IER3IP1: variants seen among roughly 807,000 people sequenced by gnomAD.
IER3IP1 encodes immediate early response 3 interacting protein 1.
In IER3IP1, 16 loss-of-function variants were observed where a neutral mutation model predicts 12.2. The observed-to-expected ratio is 1.31, with a 90% CI of 0.89 to 1.99. The LOEUF is 1.99. IER3IP1 is among the 30% of genes most tolerant of loss of function. The pLI is 0.00. For missense variants in IER3IP1, 95 were observed against 95.8 expected (o/e 0.99, Z 0.03); for synonymous variants, 42 against 40.0 (o/e 1.05, Z -0.19).
rs141660052 is a variant in IER3IP1 at position 47,160,284 on chromosome 18, G to A, written c.92-2747C>T. Among the ~76,000 whole-genome samples the A allele has an allele frequency of 5.8e-3, 886 of 152,046 alleles. 4 individuals are homozygous for A. Among genetic ancestry groups the A allele is most frequent in the Non-Finnish European group, 9.2e-3 (628 of 67,994 alleles). On this transcript the variant is annotated intron_variant, in intron 1 of 2. Coordinates refer to ENST00000256433, the MANE Select transcript of IER3IP1 (RefSeq NM_016097.5). ...TACATTCCACATCCACTTATATAGA[G>A]ACCACAAATTTGGTGGAAACAACAC...
intron 1 of IER3IP1, among the ~76,000 whole-genome samples, chr18:47,175,772 A>G (rs2064030875): frequency 6.6e-6 from 1 of 150,698 alleles, no homozygotes; most frequent in African/African-American, 2.4e-5. Context: ...CACACCCCCA[A>G]CTCTTAGCCC....
intron 1 of IER3IP1, among the ~76,000 whole-genome samples, chr18:47,166,543 G>A (rs1217766316): frequency 6.6e-6 from 1 of 152,180 alleles, no homozygotes; most frequent in Non-Finnish European, 1.5e-5. Flanking sequence ...TAAAAGAGGA[G>A]GGGGAGGAGG....
rs564142124 is a variant in IER3IP1, at chr18:47,155,271, G to T, written c.*906C>A. On this transcript the variant is annotated 3_prime_UTR_variant, in exon 3 of 3. Coordinates refer to ENST00000256433, the MANE Select transcript of IER3IP1 (RefSeq NM_016097.5). Reference sequence around the variant, plus strand: ...TCAATGTCCTATTGACAAACTCAATGAAGAATTAAGAATCACACTCCACAA... The same window carrying T: ...TCAATGTCCTATTGACAAACTCAATTAAGAATTAAGAATCACACTCCACAA... The T allele has an allele frequency of 2.6e-5, 4 of 152,256 alleles. No individual in the cohort carries two copies. Among genetic ancestry groups the T allele is most frequent in the Non-Finnish European group, 4.4e-5 (3 of 68,010 alleles). The allele number at this position is 152,256 out of a possible 1,614,324, so 9.4% of individuals were successfully genotyped here.
At chr18:47,159,281 A>G (rs1449609016) in intron 1 of IER3IP1, among the ~76,000 whole-genome samples, 2 of 152,276 alleles carry the variant, frequency 1.3e-5, no homozygotes, top group Non-Finnish European at 2.9e-5. Context: ...CAAAAACTAC[A>G]GTAGGTCACC....
chr18:47,176,346 A>C lies in IER3IP1; in HGVS notation c.-69T>G. ...CCGCCGCAAGGGACGTGGCGCCTCCACGGCCGGCGCCTTCCTACGGAAGCC... is the reference window on the plus strand; with the variant it reads ...CCGCCGCAAGGGACGTGGCGCCTCCCCGGCCGGCGCCTTCCTACGGAAGCC... On this transcript the variant is annotated 5_prime_UTR_variant, in exon 1 of 3. Coordinates refer to ENST00000256433, the MANE Select transcript of IER3IP1 (RefSeq NM_016097.5). 7.2e-6 allele frequency: 10 copies of C among 1,392,000 alleles called. No individual in the cohort carries two copies. The South Asian group carries it at 9.9e-5, about 14-fold the overall frequency. 86.2% of individuals were successfully genotyped at this position (1,392,000 alleles called of 1,614,324 possible).
chr18:47,158,324 T>G (rs1313052813), intron 1 of IER3IP1, among the ~76,000 whole-genome samples: 2 of 152,012 alleles, frequency 1.3e-5, no homozygotes, highest in Non-Finnish European at 2.9e-5. Flanking sequence ...GCCTAAGTAT[T>G]TCTTTCTTTT....
chr18:47,162,046 G>C (rs2063981478), intron 1 of IER3IP1, among the ~76,000 whole-genome samples: 1 of 152,096 alleles, frequency 6.6e-6, no homozygotes, highest in African/African-American at 2.4e-5. Context: ...GGGCCATGGG[G>C]AGTGGCTGTA....
chr18:47,164,506 C>A (rs1339089396), intron 1 of IER3IP1, among the ~76,000 whole-genome samples: 2 of 140,052 alleles, frequency 1.4e-5, no homozygotes, highest in Admixed American at 7.1e-5. Context: ...TTTTTTTTTT[C>A]TTTTTAAGAG....
At chr18:47,176,066 A>G (rs941646907) in intron 1 of IER3IP1, 121 bp downstream of exon 1, 5 of 845,858 alleles carry the variant, frequency 5.9e-6, no homozygotes, top group Non-Finnish European at 9.6e-6. Context: ...TTCCACTCCA[A>G]GCCGAGCCTT....
chr18:47,169,747 T>C, intron 1 of IER3IP1, among the ~76,000 whole-genome samples: 1 of 152,256 alleles, frequency 6.6e-6, no homozygotes, highest in South Asian at 2.1e-4. Context: ...TTTGCTTATG[T>C]TCTTTGGAAA....
chr18:47,166,735 G>A (rs978393372), intron 1 of IER3IP1, among the ~76,000 whole-genome samples: 15 of 152,150 alleles, frequency 9.9e-5, no homozygotes, highest in African/African-American at 1.4e-4. Context: ...ATCTATGCTT[G>A]CTTATCTAAA....
At chr18:47,162,214 G>A (rs2063982174) in intron 1 of IER3IP1, among the ~76,000 whole-genome samples, 2 of 152,122 alleles carry the variant, frequency 1.3e-5, no homozygotes, top group African/African-American at 4.8e-5. Flanking sequence ...TCGGAAGAAA[G>A]ACTTCCTCCC....
intron 1 of IER3IP1, among the ~76,000 whole-genome samples, chr18:47,159,983 G>A (rs568302812): frequency 1.3e-5 from 2 of 152,104 alleles, no homozygotes; most frequent in South Asian, 4.1e-4. Context: ...ATCACCTGAG[G>A]TCGGGAGTTC....
intron 1 of IER3IP1, among the ~76,000 whole-genome samples, chr18:47,158,197 A>G (rs1015443969): frequency 3.3e-5 from 5 of 152,222 alleles, no homozygotes; most frequent in African/African-American, 9.6e-5. Context: ...TTCTTTTTCA[A>G]AAATTACCAT....
chr18:47,175,551 C>T (rs2064029730), intron 1 of IER3IP1, among the ~76,000 whole-genome samples: 1 of 152,198 alleles, frequency 6.6e-6, no homozygotes, highest in African/African-American at 2.4e-5. Context: ...GCAACCTCTG[C>T]CTCCCAGGTT....
At position 47,153,622 on chromosome 18, in the gene IER3IP1, CT is replaced by C. The variant is rs1255369379; in HGVS notation, c.*2554del. ...ATGAGGTCTTATCATTTAGCTCCCA[CT>C]TATAAGTAATAACATGTGGTATTTG... On this transcript the variant is annotated 3_prime_UTR_variant, in exon 3 of 3. Transcript: ENST00000256433. The C allele has an allele frequency of 7.6e-6, 1 of 131,968 alleles. No homozygotes were observed. The highest frequency in any genetic ancestry group is 2.6e-5 in the African/African-American group (1 of 38,268). The allele number at this position is 131,968 out of a possible 1,614,324, so 8.2% of individuals were successfully genotyped here. A position where few individuals can be genotyped will look rare whatever the true frequency, so the allele number is the denominator to read the frequency against.
At chr18:47,158,246 T>C (rs973837858) in intron 1 of IER3IP1, among the ~76,000 whole-genome samples, 1 of 152,220 alleles carries the variant, frequency 6.6e-6, no homozygotes, top group African/African-American at 2.4e-5. Context: ...CCTAGGCTAA[T>C]ATCAAGTGAT....
At chr18:47,157,599 T>C (rs1446657189) in intron 1 of IER3IP1, 62 bp from the exon 2 acceptor site, 25 of 1,426,114 alleles carry the variant, frequency 1.8e-5, no homozygotes, top group African/African-American at 2.8e-5. Context: ...CTCCCTGTCA[T>C]CTTCTAAAAG....
intron 1 of IER3IP1, among the ~76,000 whole-genome samples, chr18:47,171,283 C>T (rs533364419): frequency 6.6e-5 from 10 of 152,108 alleles, no homozygotes; most frequent in Non-Finnish European, 1.2e-4. Context: ...GCCAGTATTT[C>T]GTTGAGAATT....
Sources: allele counts gnomAD v4.1 joint callset (sites outside exome capture counted in the v4.1 genomes callset), GRCh38; gene constraint gnomAD v4.1.1; transcripts MANE v1.5; gene names NCBI Gene and HGNC (gene_info 2026-07-23, HGNC 2026-07-21).